The following ARHGEF10L variants were observed in gnomAD, a reference collection of about 807,000 sequenced individuals.
The protein encoded by ARHGEF10L is rho guanine nucleotide exchange factor 10-like protein.
In ARHGEF10L, 69 loss-of-function variants were observed where a neutral mutation model predicts 141.2. The ratio of observed to expected loss-of-function variants is 0.49; its 90% confidence interval spans 0.40 to 0.60. ARHGEF10L has a LOEUF of 0.60. ARHGEF10L is among the 20% of genes least tolerant of loss of function. ARHGEF10L has a pLI of 0.00. For synonymous variants in ARHGEF10L, 711 were observed against 718.5 expected (o/e 0.99, Z 0.17); for missense variants, 1,482 against 1,734.3 (o/e 0.85, Z 2.58).
At chr1:17,559,765 G>A (rs569724960) in intron 1 of ARHGEF10L, among the ~76,000 whole-genome samples, 290 of 152,288 alleles carry the variant, frequency 1.9e-3, no homozygotes, top group African/African-American at 6.7e-3. Flanking sequence ...TCAGAACAAG[G>A]TGCTACAGGG....
chr1:17,685,696 A>G (rs1323017466), intron 26 of ARHGEF10L, among the ~76,000 whole-genome samples: 1 of 152,258 alleles, frequency 6.6e-6, no homozygotes, highest in African/African-American at 2.4e-5. Flanking sequence ...GACACATAGT[A>G]GGGACTCAAG....
intron 4 of ARHGEF10L, among the ~76,000 whole-genome samples, chr1:17,596,931 G>GA (rs2080170329): frequency 6.6e-6 from 1 of 152,178 alleles, no homozygotes; most frequent in African/African-American, 2.4e-5. Flanking sequence ...GGCACACGGG[G>GA]ACCTACCCCT....
intron 18 of ARHGEF10L, among the ~76,000 whole-genome samples, chr1:17,635,836 C>G (rs930299618): frequency 6.6e-6 from 1 of 152,164 alleles, no homozygotes; most frequent in Admixed American, 6.5e-5. Context: ...GAAAGGAACC[C>G]TGGTGCCCGA....
intron 1 of ARHGEF10L, among the ~76,000 whole-genome samples, chr1:17,570,212 T>C (rs2077936344): frequency 6.6e-6 from 1 of 152,220 alleles, no homozygotes; most frequent in Non-Finnish European, 1.5e-5. Flanking sequence ...CAGTCCTGCC[T>C]TCATGGAGTC....
chr1:17,591,346 G>A (rs930848603), intron 4 of ARHGEF10L, among the ~76,000 whole-genome samples: 1 of 151,982 alleles, frequency 6.6e-6, no homozygotes, highest in Admixed American at 6.6e-5. Flanking sequence ...AGGCTTGAGC[G>A]ATTCTCCTGC....
Position 17,664,499 on chromosome 1 carries a change from C to T in ARHGEF10L, c.2913C>T (p.Pro971=), listed in dbSNP as rs776260642. 57 of 1,607,644 alleles carry T rather than the reference C, an allele frequency of 3.5e-5. No individual in the cohort carries two copies. Among genetic ancestry groups the T allele is most frequent in the Middle Eastern group, 3.3e-4 (2 of 6,074 alleles). The part of the protein sequence containing the change: ...ESPPVCLTVG[P]GPVRTLLSLE... The stretch of plus-strand genomic sequence containing the variant: ...CTCCCGTGTGCCTGACTGTGGGGCC[C>T]GGGCCTGTCCGCACCCTGTTGAGCC... The change falls in exon 26 of 29, where the codon CCC becomes CCT. Residue 971 remains proline (P), a synonymous_variant. Coordinates refer to ENST00000361221, the MANE Select transcript of ARHGEF10L (RefSeq NM_018125.4).
chr1:17,561,607 C>T (rs1200310973), intron 1 of ARHGEF10L, among the ~76,000 whole-genome samples: 2 of 152,222 alleles, frequency 1.3e-5, no homozygotes, highest in African/African-American at 4.8e-5. Context: ...CTGAGGCCCA[C>T]CCGATCCCGA....
At chr1:17,642,699 T>C (rs921235660) in intron 21 of ARHGEF10L, among the ~76,000 whole-genome samples, 4 of 152,164 alleles carry the variant, frequency 2.6e-5, no homozygotes, top group Non-Finnish European at 5.9e-5. Context: ...CCAGAAGGCC[T>C]TTGGAGGGTG....
chr1:17,572,627 T>C (rs2078050086), intron 1 of ARHGEF10L, among the ~76,000 whole-genome samples: 1 of 152,170 alleles, frequency 6.6e-6, no homozygotes, highest in Admixed American at 6.5e-5. Context: ...AGTGGGGCAC[T>C]GTGCCCTCCC....
Position 17,619,689 on chromosome 1 carries a change from A to G in ARHGEF10L, c.942+244A>G, listed in dbSNP as rs1356596273. Among the ~76,000 whole-genome samples, 1 of 152,022 alleles carries G rather than the reference A, an allele frequency of 6.6e-6. No individual in the cohort carries two copies. The highest frequency in any genetic ancestry group is 6.6e-5 in the Admixed American group (1 of 15,264). ...TGGGGGGTGGGCTCCCGGCATCTAG[A>G]ACGCTTGCGTCCCCCAACTCCATGG... On this transcript the variant is annotated intron_variant, in intron 10 of 28. Coordinates refer to ENST00000361221, the MANE Select transcript of ARHGEF10L (RefSeq NM_018125.4). This position sits in a 1 kb window ranked among gnomAD's most constrained non-coding sequence, Gnocchi z 5.0.
intron 28 of ARHGEF10L, among the ~76,000 whole-genome samples, 184 bp downstream of exon 28, chr1:17,695,464 A>G (rs2065429566): frequency 6.6e-6 from 1 of 152,184 alleles, no homozygotes; most frequent in Non-Finnish European, 1.5e-5. Context: ...CCAGTCTCCC[A>G]CCTTTCTGAG....
At chr1:17,638,392 G>C (rs2061140689) in intron 19 of ARHGEF10L, among the ~76,000 whole-genome samples, 170 bp from the exon 20 acceptor site, 1 of 152,196 alleles carries the variant, frequency 6.6e-6, no homozygotes, top group Non-Finnish European at 1.5e-5. Flanking sequence ...GGGAAGCCTG[G>C]GGCATGGCGA....
chr1:17,544,914 C>G (rs1343516490), intron 1 of ARHGEF10L, among the ~76,000 whole-genome samples: 1 of 152,122 alleles, frequency 6.6e-6, no homozygotes, highest in Non-Finnish European at 1.5e-5. Flanking sequence ...AGGGAACTGT[C>G]CTTTATAAAA....
rs756558468 is a variant in ARHGEF10L at position 17,654,736 on chromosome 1, CT to C, written c.2481+15del. 6.2e-7 allele frequency: 1 copy of C among 1,611,646 alleles called. No individual in the cohort carries two copies. The highest frequency in any genetic ancestry group is 8.5e-7 in the Non-Finnish European group (1 of 1,178,282). ...GGCTACCTCTGGGTGAGTCACCCCC[CT>C]GCCCAGCTGGGCATTCTGGCCTCAG... On this transcript the variant is annotated intron_variant, in intron 23 of 28. Transcript: ENST00000361221. The surrounding 1 kb of genome is among the most constrained non-coding windows in gnomAD (Gnocchi z 4.3).
rs1448842084 is a variant in ARHGEF10L at position 17,656,095 on chromosome 1, G to A, written c.2698G>A (p.Asp900Asn). 1.3e-6 allele frequency: 2 copies of A among 1,551,598 alleles called. No individual in the cohort carries two copies. Among genetic ancestry groups the A allele is most frequent in the Non-Finnish European group, 8.7e-7 (1 of 1,147,912 alleles). Residue 900 changes from aspartate (D) to asparagine (N), a missense_variant, in exon 24 of 29, where the codon GAT becomes AAT. This residue lies in a region of ARHGEF10L where 858 missense variants were observed against 966.3 expected (regional missense o/e 0.89). Transcript: ENST00000361221. The surrounding 1 kb of genome is among the most constrained non-coding windows in gnomAD (Gnocchi z 4.9). The stretch of plus-strand genomic sequence containing the variant: ...TCCAACCATCTGCCTCGGGCTCCAG[G>A]ATGGCAGGTGAGGGGCCCGGAAGGA... ...VHPTICLGLQ[D>N]GSILLYSSVD... is the part of the protein sequence containing the mutation.
At chr1:17,612,285 A>ATTT (rs572103821) in intron 7 of ARHGEF10L, among the ~76,000 whole-genome samples, 73 of 151,764 alleles carry the variant, frequency 4.8e-4, no homozygotes, top group Non-Finnish European at 1.8e-4. Flanking sequence ...TGGTTGTTAA[A>ATTT]TATTTGCCAG....
At chr1:17,622,772 C>T (rs540469783) in intron 11 of ARHGEF10L, among the ~76,000 whole-genome samples, 4 of 152,180 alleles carry the variant, frequency 2.6e-5, no homozygotes, top group Non-Finnish European at 2.9e-5. Context: ...CTCTTCCTCC[C>T]GACCAATTAA....
intron 26 of ARHGEF10L, among the ~76,000 whole-genome samples, chr1:17,671,656 G>A (rs1289192118): frequency 1.3e-5 from 2 of 152,234 alleles, no homozygotes; most frequent in Non-Finnish European, 2.9e-5. Flanking sequence ...CTGTGGTGGG[G>A]TTAACTGGGG....
chr1:17,583,059 GAAA>G (rs34079639), intron 2 of ARHGEF10L, among the ~76,000 whole-genome samples: 1 of 139,866 alleles, frequency 7.1e-6, no homozygotes. Flanking sequence ...TACAAAAAAT[GAAA>G]AAAAAAAAAA....
Sources: gnomAD v4.1 joint callset for allele counts (sites outside exome capture counted in the v4.1 genomes callset) on GRCh38, gnomAD v4.1.1 for gene constraint, gnomAD v4.1.1 regional missense constraint, Gnocchi (gnomAD v3.1) non-coding constraint, MANE v1.5 for transcripts, NCBI Gene and HGNC (gene_info 2026-07-23, HGNC 2026-07-21) for gene names.